CSMD2: variants seen among roughly 807,000 people sequenced by gnomAD.
The protein encoded by CSMD2 is CUB and Sushi multiple domains 2.
Under a neutral mutation model 398.5 loss-of-function variants are expected in CSMD2, and 130 were observed. That is an observed-to-expected ratio of 0.33 (90% CI 0.28 to 0.38). The LOEUF is 0.38. Ranked by LOEUF, CSMD2 falls within the 10% of genes least tolerant of loss-of-function variation. The pLI is 1.00. For missense variants in CSMD2, 3,829 were observed against 4,764.9 expected (o/e 0.80, Z 5.78); for synonymous variants, 1,828 against 1,908.5 (o/e 0.96, Z 1.10).
chr1:34,165,037 C>A lies in CSMD2; in HGVS notation c.61G>T (p.Gly21Cys). 1.6e-6 allele frequency: 2 copies of A among 1,212,640 alleles called. No homozygotes were observed. Among genetic ancestry groups the A allele is most frequent in the South Asian group, 4.1e-5 (1 of 24,308 alleles). The allele number at this position is 1,212,640 out of a possible 1,614,324, so 75.1% of individuals were successfully genotyped here. A position where few individuals can be genotyped will look rare whatever the true frequency, so the allele number is the denominator to read the frequency against. The change falls in exon 1 of 71, where the codon GGC becomes TGC. Residue 21 changes from glycine (G) to cysteine (C), a missense_variant. By Grantham distance (159) the Gly-to-Cys change is radical. This residue lies in a region of CSMD2 where 184 missense variants were observed against 217.7 expected (regional missense o/e 0.85). Transcript: ENST00000373381. ...ACAAGCGCCGAAATCCCGGTTTCGC[C>A]GCGAGCCCTCCCCGCGGGGCAGCCG... ...RCGCPAGRAR[G>C]ETGISALVPG...
At chr1:33,639,409 T>C (rs1328540535) in intron 29 of CSMD2, among the ~76,000 whole-genome samples, 1 of 152,236 alleles carries the variant, frequency 6.6e-6, no homozygotes, top group Non-Finnish European at 1.5e-5. Context: ...TCTTTCCTTA[T>C]TTGTGTGGCA....
intron 12 of CSMD2, among the ~76,000 whole-genome samples, chr1:33,778,853 T>C (rs1055629264): frequency 6.6e-6 from 1 of 152,090 alleles, no homozygotes; most frequent in Non-Finnish European, 1.5e-5. Context: ...TTCTTACAGG[T>C]TGTTCAAATC....
At chr1:33,674,915 A>T (rs1571181154) in intron 25 of CSMD2, among the ~76,000 whole-genome samples, 1 of 152,230 alleles carries the variant, frequency 6.6e-6, no homozygotes, top group African/African-American at 2.4e-5. Flanking sequence ...ACCAATGAGA[A>T]CAAAGACACA....
chr1:33,786,708 T>A, intron 12 of CSMD2, among the ~76,000 whole-genome samples: 1 of 152,192 alleles, frequency 6.6e-6, no homozygotes, highest in East Asian at 1.9e-4. Context: ...AGCTAGAAAG[T>A]GACAGAACCA....
intron 1 of CSMD2, among the ~76,000 whole-genome samples, chr1:34,098,184 A>G (rs1359967800): frequency 2.3e-5 from 3 of 131,046 alleles, no homozygotes; most frequent in Non-Finnish European, 4.8e-5. Flanking sequence ...AACACCGCAT[A>G]TTCTCACTCA....
intron 39 of CSMD2, among the ~76,000 whole-genome samples, chr1:33,614,961 C>T (rs756349276): frequency 6.6e-5 from 10 of 152,284 alleles, no homozygotes; most frequent in East Asian, 3.9e-4. Flanking sequence ...CATTTCTTAC[C>T]GTATCCCCCA....
At chr1:33,821,865 T>G (rs1174766454) in intron 7 of CSMD2, among the ~76,000 whole-genome samples, 2 of 151,954 alleles carry the variant, frequency 1.3e-5, no homozygotes, top group South Asian at 2.1e-4. Flanking sequence ...TCTGAGCTAA[T>G]AGGATTTAGA....
chr1:33,848,960 G>A (rs565719982), intron 5 of CSMD2, among the ~76,000 whole-genome samples: 104 of 152,224 alleles, frequency 6.8e-4, no homozygotes, highest in South Asian at 3.7e-3. Context: ...TGAGGGGAGG[G>A]TGCTGAGGTC....
intron 3 of CSMD2, among the ~76,000 whole-genome samples, chr1:33,968,974 A>T (rs1444774599): frequency 6.6e-6 from 1 of 152,180 alleles, no homozygotes; most frequent in Non-Finnish European, 1.5e-5. Context: ...TGTCAGTCAC[A>T]TGTCCCCCTT....
chr1:33,727,766 G>T (rs1646585070), intron 15 of CSMD2, among the ~76,000 whole-genome samples: 1 of 152,152 alleles, frequency 6.6e-6, no homozygotes, highest in Non-Finnish European at 1.5e-5. Flanking sequence ...GTCTGTGTGA[G>T]ATATAAGCTC....
intron 2 of CSMD2, among the ~76,000 whole-genome samples, chr1:34,035,660 T>C (rs1651019635): frequency 7.0e-6 from 1 of 143,698 alleles, no homozygotes; most frequent in African/African-American, 2.7e-5. Context: ...TCAACACCCG[T>C]TTGTAGTTAA....
intron 25 of CSMD2, among the ~76,000 whole-genome samples, chr1:33,683,292 A>C (rs1285304802): frequency 6.6e-6 from 1 of 152,174 alleles, no homozygotes; most frequent in African/African-American, 2.4e-5. Flanking sequence ...TATTATGTCT[A>C]TATCCATTTA....
intron 1 of CSMD2, among the ~76,000 whole-genome samples, chr1:34,156,180 A>G (rs937687122): frequency 6.6e-6 from 1 of 152,210 alleles, no homozygotes; most frequent in African/African-American, 2.4e-5. Flanking sequence ...TTAAACTGTC[A>G]TCTCTTTCTT....
At chr1:33,917,032 C>T (rs1643758255) in intron 5 of CSMD2, among the ~76,000 whole-genome samples, 2 of 152,152 alleles carry the variant, frequency 1.3e-5, no homozygotes, top group Admixed American at 6.5e-5. Context: ...TTCTGCTCCG[C>T]TCAGAATCCT....
chr1:33,688,470 T>G lies in CSMD2; in HGVS notation c.4052+4460A>C, dbSNP rs535199209. On this transcript the variant is annotated intron_variant, in intron 25 of 70. Transcript: ENST00000373381. Reference sequence around the variant, plus strand: ...TGTGAGGAGGAGTAAGATTACAGAGTAAGATTGTGGAAACGTTTCATTTCG... The same window carrying G: ...TGTGAGGAGGAGTAAGATTACAGAGGAAGATTGTGGAAACGTTTCATTTCG... Among the ~76,000 whole-genome samples the G allele has an allele frequency of 2.6e-5, 4 of 152,074 alleles. No individual in the cohort carries two copies. In the South Asian group the frequency reaches 6.2e-4, roughly 24 times the overall value.
At chr1:33,592,587 A>C in intron 44 of CSMD2, 1 of 694,802 alleles carries the variant, frequency 1.4e-6, no homozygotes, top group South Asian at 1.5e-5. Flanking sequence ...TTGGATCTGC[A>C]ATTCTCAAAC....
Position 33,545,893 on chromosome 1 carries a change from G to C in CSMD2, c.9100+144C>G. On this transcript the variant is annotated intron_variant, in intron 57 of 70. Coordinates refer to ENST00000373381, the MANE Select transcript of CSMD2 (RefSeq NM_001281956.2). ...TAATGAAAATGCACATGAATTATCT[G>C]TTGCAGTCCTATCAGCCAGGCTGAG... The C allele has an allele frequency of 6.0e-6, 4 of 670,382 alleles. No homozygotes were observed. The South Asian group carries it at 7.6e-5, about 13-fold the overall frequency. 41.5% of individuals were successfully genotyped at this position (670,382 alleles called of 1,614,324 possible). A position where few individuals can be genotyped will look rare whatever the true frequency, so the allele number is the denominator to read the frequency against.
rs981819013 is a variant in CSMD2, at chr1:34,164,192, C to T, written c.187+719G>A. On this transcript the variant is annotated intron_variant, in intron 1 of 70. Coordinates refer to ENST00000373381, the MANE Select transcript of CSMD2 (RefSeq NM_001281956.2). This position sits in a 1 kb window ranked among gnomAD's most constrained non-coding sequence, Gnocchi z 6.2. The stretch of plus-strand genomic sequence containing the variant: ...AGCCTGGCGGCGGCACTCCCTCCCC[C>T]GCCTCGGGCTACAACCCCCACCCCC... 6.6e-6 allele frequency among the ~76,000 whole-genome samples: 1 copy of T among 152,060 alleles called. No homozygotes were observed. Among genetic ancestry groups the T allele is most frequent in the African/African-American group, 2.4e-5 (1 of 41,414 alleles).
Position 33,935,902 on chromosome 1 carries a change from C to T in CSMD2, c.570G>A (p.Gln190=). The T allele has an allele frequency of 6.2e-7, 1 of 1,613,904 alleles. No homozygotes were observed. The highest frequency in any genetic ancestry group is 8.5e-7 in the Non-Finnish European group (1 of 1,179,834). The change falls in exon 4 of 71, where the codon CAG becomes CAA. Residue 190 remains glutamine (Q), a synonymous_variant. Coordinates refer to ENST00000373381, the MANE Select transcript of CSMD2 (RefSeq NM_001281956.2). ...GNPGRLPNGI[Q]QGSTFNLGDK... ...CACCGAGGTTGAAGGTTGAACCCTG[C>T]TGGATGCCATTGGGCAGCCTCCCTG...
Sources: gnomAD v4.1 joint callset for allele counts (sites outside exome capture counted in the v4.1 genomes callset) on GRCh38, gnomAD v4.1.1 for gene constraint, gnomAD v4.1.1 regional missense constraint, Gnocchi (gnomAD v3.1) non-coding constraint, MANE v1.5 for transcripts, NCBI Gene and HGNC (gene_info 2026-07-23, HGNC 2026-07-21) for gene names.